GPHN: variants seen among roughly 807,000 people sequenced by gnomAD.
GPHN encodes gephyrin.
Under a neutral mutation model 95.5 loss-of-function variants are expected in GPHN, and 17 were observed. That is an observed-to-expected ratio of 0.18 (90% CI 0.12 to 0.27). The LOEUF (loss-of-function observed/expected upper bound fraction) is 0.27, where lower values mean the gene tolerates loss of function less well. Among genes scored for constraint, GPHN ranks in the 10% least tolerant of loss-of-function variants. The pLI, the probability that GPHN is intolerant of heterozygous loss-of-function variation, is 1.00. For synonymous variants in GPHN, 320 were observed against 322.5 expected, an observed-to-expected ratio of 0.99 and a Z score of 0.08; for missense variants, 660 against 978.1, an observed-to-expected ratio of 0.67 and a Z score of 4.34.
At chr14:66,758,911 AAAT>A (rs2058665971) in intron 2 of GPHN, among the ~76,000 whole-genome samples, 1 of 152,230 alleles carries the variant, frequency 6.6e-6, no homozygotes, top group South Asian at 2.1e-4. Context: ...ACTTAAAAAC[AAAT>A]AATGAGATTA....
intron 1 of GPHN, among the ~76,000 whole-genome samples, chr14:66,575,711 C>T (rs540969016): frequency 6.6e-6 from 1 of 152,088 alleles, no homozygotes; most frequent in East Asian, 1.9e-4. Flanking sequence ...GCTGTCTTGG[C>T]ATCAGAGTCT....
intron 10 of GPHN, among the ~76,000 whole-genome samples, chr14:67,040,590 T>G (rs1033086727): frequency 2.0e-5 from 3 of 152,204 alleles, no homozygotes; most frequent in Non-Finnish European, 2.9e-5. Flanking sequence ...GAATCATGCG[T>G]TACATTTAGT....
At chr14:67,642,035 A>C in the GPHN span, 1 of 778,834 alleles carries the variant, frequency 1.3e-6, no homozygotes, top group Non-Finnish European at 2.0e-6. Context: ...GGATCGAGAT[A>C]ATCTTCCCAC....
At chr14:66,961,692 G>A (rs1260794745) in intron 8 of GPHN, among the ~76,000 whole-genome samples, 4 of 151,050 alleles carry the variant, frequency 2.6e-5, no homozygotes, top group African/African-American at 9.7e-5. Flanking sequence ...CAGAGAAAGG[G>A]AAAATAAAAC....
intron 4 of GPHN, among the ~76,000 whole-genome samples, chr14:66,833,664 TAAA>T (rs11394709): frequency 7.0e-6 from 1 of 142,606 alleles, no homozygotes. Context: ...ATGCCCTGGT[TAAA>T]AAAAAAAAAA....
At chr14:67,065,066 A>G (rs2075990622) in intron 11 of GPHN, among the ~76,000 whole-genome samples, 1 of 152,160 alleles carries the variant, frequency 6.6e-6, no homozygotes, top group African/African-American at 2.4e-5. Flanking sequence ...TCTTGTGGGC[A>G]TTTAGTGCTA....
rs539538038 is a variant in GPHN, at chr14:67,047,409, A to G, written c.1007-11240A>G. On this transcript the variant is annotated intron_variant, in intron 10 of 22. Transcript: ENST00000478722. Reference sequence around the variant, plus strand: ...GAGACAGAGTCTCACTCTGTTGCCCAGGCTGGAGTGCAGTGGTGCAATCTC... The same window carrying G: ...GAGACAGAGTCTCACTCTGTTGCCCGGGCTGGAGTGCAGTGGTGCAATCTC... Among the ~76,000 whole-genome samples, 672 of 136,596 alleles carry G rather than the reference A, an allele frequency of 4.9e-3. 9 individuals are homozygous for G. Among genetic ancestry groups the G allele is most frequent in the African/African-American group, 0.018 (654 of 35,608 alleles). The allele number at this position is 136,596 out of a possible 152,430, so 89.6% of individuals were successfully genotyped here.
intron 1 of GPHN, among the ~76,000 whole-genome samples, chr14:66,552,978 T>TTTTTC (rs1374366360): frequency 6.6e-6 from 1 of 150,980 alleles, no homozygotes; most frequent in African/African-American, 2.4e-5. Flanking sequence ...TTTTTTTTCT[T>TTTTTC]TTTTCTTTTC....
intron 1 of GPHN, among the ~76,000 whole-genome samples, chr14:66,547,772 A>G (rs1418504957): frequency 3.9e-5 from 6 of 152,220 alleles, no homozygotes; most frequent in Non-Finnish European, 8.8e-5. Flanking sequence ...TGAGGCATTT[A>G]TGCTGGGTTC....
At chr14:67,419,216 G>A in the GPHN span, among the ~76,000 whole-genome samples, 1 of 152,106 alleles carries the variant, frequency 6.6e-6, no homozygotes, top group Non-Finnish European at 1.5e-5. Context: ...CTTATTTTGA[G>A]TGGGTAAACA....
the GPHN span, among the ~76,000 whole-genome samples, chr14:67,244,975 G>GT: frequency 1.3e-5 from 2 of 152,134 alleles, no homozygotes; most frequent in African/African-American, 4.8e-5. Flanking sequence ...AAAAAAAGAT[G>GT]TAACAATTGG....
At chr14:67,392,622 T>C in the GPHN span, 1 of 1,570,158 alleles carries the variant, frequency 6.4e-7, no homozygotes, top group South Asian at 1.1e-5. Flanking sequence ...CTTCCTTAAC[T>C]TTTGCCCTGG....
At chr14:67,259,448 T>C in the GPHN span, among the ~76,000 whole-genome samples, 1 of 151,498 alleles carries the variant, frequency 6.6e-6, no homozygotes, top group Non-Finnish European at 1.5e-5. Flanking sequence ...CCGTCTCTAC[T>C]AAAAATATAA....
the GPHN span, among the ~76,000 whole-genome samples, chr14:67,234,090 A>G: frequency 6.6e-6 from 1 of 152,242 alleles, no homozygotes; most frequent in Admixed American, 6.5e-5. Flanking sequence ...ATATAAATTC[A>G]GTTTGTCTTC....
intron 2 of GPHN, among the ~76,000 whole-genome samples, chr14:66,687,440 G>A (rs148580111): frequency 5.8e-4 from 88 of 150,864 alleles, no homozygotes; most frequent in African/African-American, 2.1e-3. Context: ...ACTGTTGGTA[G>A]CATGTTCATT....
At chr14:66,523,291 A>G (rs2058554791) in intron 1 of GPHN, among the ~76,000 whole-genome samples, 2 of 152,114 alleles carry the variant, frequency 1.3e-5, no homozygotes, top group Non-Finnish European at 2.9e-5. Flanking sequence ...AGAAAAAATT[A>G]TATGAACTTA....
chr14:67,158,659 G>A (rs564735016), intron 18 of GPHN, among the ~76,000 whole-genome samples: 1 of 152,226 alleles, frequency 6.6e-6, no homozygotes, highest in Admixed American at 6.5e-5. Context: ...GTTAAGGAGT[G>A]CAATTTTTTT....
the GPHN span, among the ~76,000 whole-genome samples, chr14:67,660,691 G>A: frequency 3.3e-5 from 5 of 152,068 alleles, no homozygotes; most frequent in South Asian, 8.3e-4. Context: ...ATTTTTCTGG[G>A]GTAAGTAAAA....
chr14:67,731,479 TGCTGGGATTGCAGGCGTGA>T, the GPHN span, among the ~76,000 whole-genome samples: 1 of 152,048 alleles, frequency 6.6e-6, no homozygotes, highest in Non-Finnish European at 1.5e-5. Flanking sequence ...CCTCCCAAAG[TGCTGGGATTGCAGGCGTGA>T]GCCACTGCGC....
Sources: gnomAD v4.1 joint callset for allele counts (sites outside exome capture counted in the v4.1 genomes callset) on GRCh38, gnomAD v4.1.1 for gene constraint, MANE v1.5 for transcripts, NCBI Gene and HGNC (gene_info 2026-07-23, HGNC 2026-07-21) for gene names.